The following BFSP2 variants were observed in gnomAD, a reference collection of about 807,000 sequenced individuals.
BFSP2 encodes the protein beaded filament structural protein 2, also known as phakinin.
Under a neutral mutation model 44.9 loss-of-function variants are expected in BFSP2, and 38 were observed. That is an observed-to-expected ratio of 0.85 (90% CI 0.65 to 1.11). BFSP2 has a LOEUF of 1.11. Among genes scored for constraint, BFSP2 ranks in the 50% least tolerant of loss-of-function variants. The pLI is 0.00. For missense variants in BFSP2, 525 were observed against 533.0 expected, an observed-to-expected ratio of 0.99 and a Z score of 0.15; for synonymous variants, 197 against 209.9, an observed-to-expected ratio of 0.94 and a Z score of 0.53.
chr3:133,416,007 A>AT (rs2073523211), intron 1 of BFSP2, among the ~76,000 whole-genome samples: 1 of 35,652 alleles, frequency 2.8e-5, no homozygotes. Flanking sequence ...CCTTCTATTC[A>AT]CCCCGTCCTC....
chr3:133,471,234 G>A (rs762546838), intron 5 of BFSP2, among the ~76,000 whole-genome samples: 2 of 152,136 alleles, frequency 1.3e-5, no homozygotes, highest in Non-Finnish European at 2.9e-5. Flanking sequence ...AACTAGAGGT[G>A]GGGAGATGAG....
chr3:133,434,387 A>G (rs979810389), intron 1 of BFSP2, among the ~76,000 whole-genome samples: 1 of 152,082 alleles, frequency 6.6e-6, no homozygotes, highest in African/African-American at 2.4e-5. Context: ...CTCCCACTCT[A>G]GGTTCCCACG....
chr3:133,411,221 C>T (rs2073450757), intron 1 of BFSP2, among the ~76,000 whole-genome samples: 1 of 149,392 alleles, frequency 6.7e-6, no homozygotes, highest in South Asian at 2.1e-4. Context: ...CCTTTGGAGC[C>T]CACTGAGGAA....
chr3:133,403,453 C>T (rs1266333266), intron 1 of BFSP2, among the ~76,000 whole-genome samples: 1 of 152,134 alleles, frequency 6.6e-6, no homozygotes, highest in Non-Finnish European at 1.5e-5. Flanking sequence ...CCTGAGGCCT[C>T]AGAGCAAGCT....
At chr3:133,451,644 TAGAA>T (rs2073966970) in intron 4 of BFSP2, among the ~76,000 whole-genome samples, 1 of 152,254 alleles carries the variant, frequency 6.6e-6, no homozygotes, top group Non-Finnish European at 1.5e-5. Context: ...GAAAAAATTT[TAGAA>T]AGAAAAGACT....
intron 1 of BFSP2, among the ~76,000 whole-genome samples, chr3:133,431,807 C>T (rs1236851510): frequency 6.6e-6 from 1 of 152,176 alleles, no homozygotes; most frequent in Non-Finnish European, 1.5e-5. Flanking sequence ...AACTCCCCAA[C>T]TCTGGTGCCA....
chr3:133,425,876 AGAAGG>A (rs1470064317), intron 1 of BFSP2, among the ~76,000 whole-genome samples: 1 of 102,378 alleles, frequency 9.8e-6, no homozygotes, highest in Non-Finnish European at 1.9e-5. Flanking sequence ...AGGGAAATAA[AGAAGG>A]GAAGGGAAGG....
At chr3:133,461,915 C>T (rs994070131) in intron 4 of BFSP2, among the ~76,000 whole-genome samples, 2 of 152,246 alleles carry the variant, frequency 1.3e-5, no homozygotes, top group African/African-American at 4.8e-5. Flanking sequence ...GGCCTCAGGA[C>T]TTAGCAGCTT....
At position 133,447,364 on chromosome 3, in the gene BFSP2, A is replaced by T. The variant is rs745394163; in HGVS notation, c.537A>T (p.Glu179Asp). 3 of 1,613,978 alleles carry T rather than the reference A, an allele frequency of 1.9e-6. No homozygotes were observed. Among genetic ancestry groups the T allele is most frequent in the Non-Finnish European group, 1.7e-6 (2 of 1,179,976 alleles). ...ATGCCCGGCTCATGCTGCAGACAGA[A>T]ACTATCCAGGCCGGAGCAGATGACT... ...LENARLMLQT[E>D]TIQAGADDFK... The change falls in exon 2 of 7, where the codon GAA becomes GAT. Residue 179 changes from glutamate to aspartate, a missense_variant. Coordinates refer to ENST00000302334, the MANE Select transcript of BFSP2 (RefSeq NM_003571.4).
In BFSP2 at chr3:133,466,826, A is replaced by G. The variant is rs763444834; in HGVS notation, c.892-2A>G. 6.2e-7 allele frequency: 1 copy of G among 1,613,512 alleles called. No individual in the cohort carries two copies. Among genetic ancestry groups the G allele is most frequent in the South Asian group, 1.1e-5 (1 of 91,036 alleles). ...CTCACACTGAGACCTGACTCTCCAC[A>G]GCAACAGGCGGAGGTGGCCCACATG... On this transcript the variant is annotated splice_acceptor_variant, in intron 4 of 6. Coordinates refer to ENST00000302334, the MANE Select transcript of BFSP2 (RefSeq NM_003571.4). LOFTEE classifies it high-confidence loss of function.
chr3:133,430,366 C>T (rs2073700966), intron 1 of BFSP2, among the ~76,000 whole-genome samples: 1 of 151,158 alleles, frequency 6.6e-6, no homozygotes, highest in African/African-American at 2.4e-5. Flanking sequence ...GTTTACAGTC[C>T]CACCAACAGT....
At chr3:133,453,678 T>C (rs2073985668) in intron 4 of BFSP2, among the ~76,000 whole-genome samples, 1 of 152,166 alleles carries the variant, frequency 6.6e-6, no homozygotes, top group Non-Finnish European at 1.5e-5. Flanking sequence ...GCTATCAGAG[T>C]GGCCTTCCAA....
intron 1 of BFSP2, among the ~76,000 whole-genome samples, chr3:133,418,549 C>T (rs1226730558): frequency 6.6e-6 from 1 of 152,110 alleles, no homozygotes; most frequent in Admixed American, 6.5e-5. Context: ...AGGAACGTCT[C>T]CAGGGACAGC....
Position 133,461,989 on chromosome 3 carries a change from T to C in BFSP2, c.892-4839T>C, listed in dbSNP as rs182384480. On this transcript the variant is annotated intron_variant, in intron 4 of 6. Coordinates refer to ENST00000302334, the MANE Select transcript of BFSP2 (RefSeq NM_003571.4). ...GTTATAACTTTATTAATTTTTTAGT[T>C]ATCCTCTACCCACTGCAAGGGATAC... Among the ~76,000 whole-genome samples the C allele has an allele frequency of 1.6e-4, 24 of 152,320 alleles. No individual in the cohort carries two copies. In the East Asian group the frequency reaches 3.9e-3, roughly 24 times the overall value.
intron 1 of BFSP2, chr3:133,412,514 G>T (rs763511331): frequency 6.6e-6 from 1 of 152,276 alleles, no homozygotes; most frequent in Non-Finnish European, 1.5e-5. Context: ...CTCAGCAAGG[G>T]TGCCCCAGGA....
intron 5 of BFSP2, among the ~76,000 whole-genome samples, chr3:133,470,184 T>A (rs1051260167): frequency 2.0e-5 from 3 of 152,194 alleles, no homozygotes; most frequent in Admixed American, 1.3e-4. Context: ...TTTCTAGTGA[T>A]CACGTTTTGC....
At chr3:133,472,640 T>G in intron 6 of BFSP2, 75 bp downstream of exon 6, 1 of 1,522,016 alleles carries the variant, frequency 6.6e-7, no homozygotes, top group Non-Finnish European at 8.9e-7. Flanking sequence ...TTCCAAACAC[T>G]GTAGAAGTAT....
intron 3 of BFSP2, chr3:133,448,866 A>C: frequency 1.7e-6 from 1 of 585,786 alleles, no homozygotes; most frequent in East Asian, 3.1e-5. Flanking sequence ...AGTGTGGTAC[A>C]GAAACAGGGG....
At chr3:133,407,631 C>T (rs2073415401) in intron 1 of BFSP2, among the ~76,000 whole-genome samples, 1 of 152,054 alleles carries the variant, frequency 6.6e-6, no homozygotes, top group Non-Finnish European at 1.5e-5. Context: ...CAGACATTAA[C>T]ATATTATAAA....
Sources: allele counts gnomAD v4.1 joint callset (sites outside exome capture counted in the v4.1 genomes callset), GRCh38; gene constraint gnomAD v4.1.1; transcripts MANE v1.5; gene names NCBI Gene and HGNC (gene_info 2026-07-23, HGNC 2026-07-21).